SMC6: variants seen among roughly 807,000 people sequenced by gnomAD.
SMC6 encodes the protein structural maintenance of chromosomes protein 6.
Under a neutral mutation model 142.2 loss-of-function variants are expected in SMC6, and 79 were observed. The ratio of observed to expected loss-of-function variants is 0.56; its 90% CI spans 0.46 to 0.67. The LOEUF is 0.67. Among genes scored for constraint, SMC6 ranks in the 30% least tolerant of loss-of-function variants. The probability of loss-of-function intolerance (pLI) is 0.00; values close to 1 mark genes in which losing one functional copy is unlikely to be tolerated. For missense variants in SMC6, 1,072 were observed against 1,284.0 expected (o/e 0.83, Z 2.52); for synonymous variants, 411 against 412.4 (o/e 1.00, Z 0.04).
chr2:17,740,844 T>C (rs964039079), intron 4 of SMC6: 5 of 236,120 alleles, frequency 2.1e-5, no homozygotes, highest in South Asian at 3.3e-5. Flanking sequence ...AGGGAGACTC[T>C]GTCTCAAAAA....
chr2:17,746,028 G>T, intron 2 of SMC6, 77 bp from the exon 3 acceptor site: 2 of 1,327,202 alleles, frequency 1.5e-6, no homozygotes, highest in Non-Finnish European at 2.0e-6. Context: ...AATCTAACAA[G>T]GCTAATTAAA....
chr2:17,725,593 A>G (rs1669576494), intron 8 of SMC6, among the ~76,000 whole-genome samples: 1 of 152,168 alleles, frequency 6.6e-6, no homozygotes, highest in African/African-American at 2.4e-5. Context: ...TTAAAACCCC[A>G]TGAAAGAAAA....
At chr2:17,698,008 A>T (rs1668090732) in intron 21 of SMC6, among the ~76,000 whole-genome samples, 1 of 152,096 alleles carries the variant, frequency 6.6e-6, no homozygotes, top group Non-Finnish European at 1.5e-5. Context: ...ACTTGAAAAC[A>T]TTATGCTAAG....
chr2:17,717,935 G>A (rs972847772), intron 12 of SMC6, 142 bp downstream of exon 12: 10 of 782,190 alleles, frequency 1.3e-5, no homozygotes, highest in South Asian at 5.9e-5. Flanking sequence ...ACAGTGAGCC[G>A]TGATGGCGCC....
intron 23 of SMC6, among the ~76,000 whole-genome samples, chr2:17,686,462 A>G (rs1415605010): frequency 6.6e-6 from 1 of 152,188 alleles, no homozygotes; most frequent in Non-Finnish European, 1.5e-5. Flanking sequence ...AGCATGGGCA[A>G]CAGAGTGAGA....
chr2:17,687,802 CAAAT>C (rs1049553832), intron 23 of SMC6, among the ~76,000 whole-genome samples: 2 of 151,954 alleles, frequency 1.3e-5, no homozygotes, highest in Non-Finnish European at 2.9e-5. Context: ...TAAACAAAAA[CAAAT>C]AAAAGCATTT....
rs760667210 is a variant in SMC6 at position 17,716,858 on chromosome 2, AT to A, written c.1228del (p.Ile410TyrfsTer4). The A allele has an allele frequency of 1.7e-4, 269 of 1,584,330 alleles. No homozygotes were observed. Among genetic ancestry groups the A allele is most frequent in the South Asian group, 7.1e-4 (62 of 87,520 alleles). On this transcript the variant is annotated frameshift_variant, in exon 14 of 28. Transcript: ENST00000448223. LOFTEE classifies it high-confidence loss of function. ...EPERLERQKK[I>X]SWLKERVKAF... ...CTTTACTCTCTCTTTTAACCAAGAT[AT>A]TTTTTTTTGTCTTTCCAACCGTTCA...
intron 4 of SMC6, 92 bp from the exon 5 acceptor site, chr2:17,738,418 A>C: frequency 1.4e-6 from 1 of 725,184 alleles, no homozygotes; most frequent in Non-Finnish European, 2.1e-6. Context: ...TTTATGAATG[A>C]GACTCACTTT....
chr2:17,711,682 G>A (rs1239476656), intron 16 of SMC6, among the ~76,000 whole-genome samples: 1 of 152,036 alleles, frequency 6.6e-6, no homozygotes, highest in Non-Finnish European at 1.5e-5. Context: ...GCAGTGGCAC[G>A]ATCACAGCCC....
chr2:17,673,757 T>C (rs1666879357), intron 25 of SMC6, among the ~76,000 whole-genome samples: 1 of 151,812 alleles, frequency 6.6e-6, no homozygotes, highest in Admixed American at 6.6e-5. Context: ...TTAGTAGAGA[T>C]GGGGTTTCTC....
At chr2:17,719,080 A>G (rs1669245434) in intron 11 of SMC6, among the ~76,000 whole-genome samples, 1 of 152,150 alleles carries the variant, frequency 6.6e-6, no homozygotes, top group Non-Finnish European at 1.5e-5. Flanking sequence ...GGGTCAGCAA[A>G]CCTTTCTACA....
chr2:17,729,233 T>C (rs1033218863), intron 7 of SMC6, among the ~76,000 whole-genome samples: 3 of 152,260 alleles, frequency 2.0e-5, no homozygotes, highest in Non-Finnish European at 4.4e-5. Flanking sequence ...TTCACATTAC[T>C]GCATATCTCA....
At chr2:17,743,623 G>T (rs1670583783) in intron 3 of SMC6, among the ~76,000 whole-genome samples, 1 of 151,930 alleles carries the variant, frequency 6.6e-6, no homozygotes, top group African/African-American at 2.4e-5. Context: ...GTCTGTACTA[G>T]GGTTCACTCG....
At chr2:17,713,281 C>CGA (rs1186750518) in intron 16 of SMC6, 2 of 333,190 alleles carry the variant, frequency 6.0e-6, no homozygotes, top group African/African-American at 4.4e-5. Context: ...AAGCAGACTT[C>CGA]GAGTCAGCTT....
chr2:17,689,103 C>T (rs1400753673), intron 23 of SMC6, among the ~76,000 whole-genome samples: 2 of 152,030 alleles, frequency 1.3e-5, no homozygotes, highest in Non-Finnish European at 2.9e-5. Flanking sequence ...CCAATTAACA[C>T]CTTTACTGGG....
intron 16 of SMC6, among the ~76,000 whole-genome samples, chr2:17,714,076 A>G (rs1162734450): frequency 7.0e-6 from 1 of 143,232 alleles, no homozygotes; most frequent in African/African-American, 2.8e-5. Context: ...ATATACATTC[A>G]TTTTTTGTTT....
At chr2:17,700,453 TTC>T (rs1441011281) in intron 20 of SMC6, 75 bp from the exon 21 acceptor site, 2 of 1,229,958 alleles carry the variant, frequency 1.6e-6, no homozygotes, top group South Asian at 3.4e-5. Flanking sequence ...ATAAAAATAA[TTC>T]TGAGAGAGGA....
chr2:17,673,516 A>T (rs1666860096), intron 25 of SMC6, among the ~76,000 whole-genome samples: 1 of 151,920 alleles, frequency 6.6e-6, no homozygotes, highest in African/African-American at 2.4e-5. Context: ...TTTGTATATA[A>T]AGTTAGGGGG....
intron 25 of SMC6, among the ~76,000 whole-genome samples, chr2:17,671,075 T>C (rs755490351): frequency 9.3e-5 from 14 of 150,924 alleles, no homozygotes; most frequent in Non-Finnish European, 1.6e-4. Context: ...GGTTTCTCCA[T>C]GTTGCCCAGG....
Sources: allele counts gnomAD v4.1 joint callset (sites outside exome capture counted in the v4.1 genomes callset), GRCh38; gene constraint gnomAD v4.1.1; transcripts MANE v1.5; gene names NCBI Gene and HGNC (gene_info 2026-07-23, HGNC 2026-07-21).